The following ASB4 variants were observed in gnomAD, a reference collection of about 807,000 sequenced individuals.
The protein encoded by ASB4 is ankyrin repeat and SOCS box containing 4, also known as ankyrin repeat and SOCS box protein 4.
In ASB4, 35 loss-of-function variants were observed where a neutral mutation model predicts 38.6. The observed-to-expected ratio is 0.91, with a 90% CI of 0.69 to 1.20. The LOEUF is 1.20. Ranked by LOEUF, ASB4 falls within the 50% of genes most tolerant of loss-of-function variation. The probability of loss-of-function intolerance (pLI) is 0.00; values close to 1 mark genes in which losing one functional copy is unlikely to be tolerated. For missense variants in ASB4, 557 were observed against 527.2 expected, an observed-to-expected ratio of 1.06 and a Z score of -0.55; for synonymous variants, 195 against 201.3, an observed-to-expected ratio of 0.97 and a Z score of 0.26.
At chr7:95,476,519 C>G (rs1307018608), upstream of ASB4, among the ~76,000 whole-genome samples, 2 of 152,148 alleles carry the variant, frequency 1.3e-5, no homozygotes, top group East Asian at 3.9e-4. Flanking sequence ...CTGGAGCAAT[C>G]AAGGGGCAGC....
downstream of ASB4, chr7:95,542,677 C>A: frequency 6.6e-6 from 1 of 152,332 alleles, no homozygotes; most frequent in Non-Finnish European, 1.5e-5. Context: ...ATGATCCACC[C>A]ACCTTGGCCT....
the ASB4 span, among the ~76,000 whole-genome samples, chr7:95,473,292 G>A: frequency 9.2e-5 from 14 of 152,198 alleles, no homozygotes; most frequent in Admixed American, 9.2e-4. Flanking sequence ...ACCCTTGTAA[G>A]GGCTTTACAC....
chr7:95,481,039 A>G (rs1389016812), upstream of ASB4, among the ~76,000 whole-genome samples: 3 of 152,224 alleles, frequency 2.0e-5, no homozygotes, highest in Admixed American at 6.5e-5. Flanking sequence ...CTTGAGTGTT[A>G]TATCTGCTGC....
intron 2 of ASB4, among the ~76,000 whole-genome samples, chr7:95,504,493 C>T (rs1790382012): frequency 6.6e-6 from 1 of 152,194 alleles, no homozygotes; most frequent in Non-Finnish European, 1.5e-5. Context: ...TTTTCATCTT[C>T]TGCGTTATAC....
At chr7:95,549,168 G>A in the ASB4 span, among the ~76,000 whole-genome samples, 1 of 152,058 alleles carries the variant, frequency 6.6e-6, no homozygotes, top group Admixed American at 6.5e-5. Context: ...CGGGAGGATG[G>A]GGATATAGAA....
At chr7:95,541,956 C>G (rs62467699), downstream of ASB4, among the ~76,000 whole-genome samples, 1 of 151,982 alleles carries the variant, frequency 6.6e-6, no homozygotes, top group East Asian at 1.9e-4. Context: ...AGTCCCAGCT[C>G]CTCCGGAGGC....
At chr7:95,548,517 G>GTTA in the ASB4 span, among the ~76,000 whole-genome samples, 3 of 152,268 alleles carry the variant, frequency 2.0e-5, no homozygotes, top group South Asian at 6.2e-4. Flanking sequence ...AAACTTTTGT[G>GTTA]TTATTATTTG....
chr7:95,532,675 G>A (rs1214375703), intron 3 of ASB4, among the ~76,000 whole-genome samples: 1 of 152,186 alleles, frequency 6.6e-6, no homozygotes, highest in Admixed American at 6.5e-5. Flanking sequence ...TACAGATGAT[G>A]TTTGGATGAG....
intron 2 of ASB4, among the ~76,000 whole-genome samples, chr7:95,526,819 C>T (rs978005070): frequency 3.3e-5 from 5 of 152,146 alleles, no homozygotes; most frequent in Admixed American, 6.5e-5. Flanking sequence ...ATTCCAGCAG[C>T]GCTGATATTA....
In ASB4 at chr7:95,495,648, C is replaced by T. The variant is rs913171776; in HGVS notation, c.188-110C>T. On this transcript the variant is annotated intron_variant, in intron 1 of 4. Transcript: ENST00000325885. ...CCTCTGTCATCCCCTCTCCACCCCACTTTTATAAATGTGGCCAAAATAAAA... is the reference window on the plus strand; with the variant it reads ...CCTCTGTCATCCCCTCTCCACCCCATTTTTATAAATGTGGCCAAAATAAAA... 3 of 1,171,894 alleles carry T rather than the reference C, an allele frequency of 2.6e-6. No individual in the cohort carries two copies. The African/African-American group carries it at 4.6e-5, about 18-fold the overall frequency. The allele number at this position is 1,171,894 out of a possible 1,614,324, so 72.6% of individuals were successfully genotyped here.
chr7:95,523,429 C>T (rs1272581171), intron 2 of ASB4, among the ~76,000 whole-genome samples: 1 of 152,018 alleles, frequency 6.6e-6, no homozygotes, highest in Non-Finnish European at 1.5e-5. Context: ...GGACAATTAA[C>T]TAAAAAAGAA....
chr7:95,512,324 G>A (rs1790494369), intron 2 of ASB4, among the ~76,000 whole-genome samples: 1 of 152,148 alleles, frequency 6.6e-6, no homozygotes, highest in African/African-American at 2.4e-5. Flanking sequence ...TACCAAATGG[G>A]GCTACGGATA....
At chr7:95,532,953 T>A (rs1790839188) in intron 3 of ASB4, among the ~76,000 whole-genome samples, 1 of 152,206 alleles carries the variant, frequency 6.6e-6, no homozygotes, top group South Asian at 2.1e-4. Flanking sequence ...GGGGTCCACA[T>A]CAGTCTGCTG....
intron 2 of ASB4, among the ~76,000 whole-genome samples, chr7:95,515,167 CTCTTTCTTTCTTTCTT>C (rs71127411): frequency 0.023 from 2,020 of 89,654 alleles, 50 homozygotes; most frequent in Middle Eastern, 0.037. Context: ...CTTTCTCTTT[CTCTTTCTTTCTTTCTT>C]TCTTTCTTTC....
At chr7:95,472,231 A>AGGCC in the ASB4 span, among the ~76,000 whole-genome samples, 61,401 of 151,782 alleles carry the variant, frequency 0.4, 12,769 homozygotes, top group African/African-American at 0.48. Flanking sequence ...CTTTCCCCAA[A>AGGCC]AATGTGTCCA....
intron 3 of ASB4, among the ~76,000 whole-genome samples, chr7:95,529,280 GT>G (rs1790787736): frequency 6.6e-6 from 1 of 152,132 alleles, no homozygotes; most frequent in Non-Finnish European, 1.5e-5. Context: ...CTATACTTAG[GT>G]TTCCCCCTTG....
At chr7:95,498,926 A>G (rs1350658747) in intron 2 of ASB4, among the ~76,000 whole-genome samples, 1 of 152,190 alleles carries the variant, frequency 6.6e-6, no homozygotes, top group Non-Finnish European at 1.5e-5. Context: ...AAACTGCCTT[A>G]GTATTTTTGT....
chr7:95,501,304 A>G (rs755565436), intron 2 of ASB4, among the ~76,000 whole-genome samples: 2 of 152,234 alleles, frequency 1.3e-5, no homozygotes, highest in Non-Finnish European at 2.9e-5. Context: ...AAAGGGGGCC[A>G]TGCCTTTTAA....
chr7:95,490,065 G>A (rs1790149838), intron 1 of ASB4, among the ~76,000 whole-genome samples: 1 of 152,132 alleles, frequency 6.6e-6, no homozygotes, highest in Non-Finnish European at 1.5e-5. Flanking sequence ...ATTAATCAGG[G>A]TAATGCACTT....
Sources: gnomAD v4.1 joint callset for allele counts (sites outside exome capture counted in the v4.1 genomes callset) on GRCh38, gnomAD v4.1.1 for gene constraint, MANE v1.5 for transcripts, NCBI Gene and HGNC (gene_info 2026-07-23, HGNC 2026-07-21) for gene names.